AGAP1: variants seen among roughly 807,000 people sequenced by gnomAD.
AGAP1 encodes arf-GAP with GTPase, ANK repeat and PH domain-containing protein 1.
Under a neutral mutation model 105.3 loss-of-function variants are expected in AGAP1, and 29 were observed. That is an observed-to-expected ratio of 0.28 (90% CI 0.21 to 0.38). The LOEUF (loss-of-function observed/expected upper bound fraction) is 0.38, where lower values mean the gene tolerates loss of function less well. AGAP1 is among the 10% of genes least tolerant of loss of function. The pLI is 1.00. For missense variants in AGAP1, 998 were observed against 1,165.1 expected, an observed-to-expected ratio of 0.86 and a Z score of 2.09; for synonymous variants, 509 against 485.9, an observed-to-expected ratio of 1.05 and a Z score of -0.63.
chr2:235,554,702 G>T (rs1234330919), intron 1 of AGAP1, among the ~76,000 whole-genome samples: 1 of 152,082 alleles, frequency 6.6e-6, no homozygotes, highest in Admixed American at 6.5e-5. Context: ...TTTTTAGACA[G>T]AGTTTCGCTC....
In AGAP1 at chr2:236,009,216, T is replaced by G. The variant is rs1421957806; in HGVS notation, c.1646-27345T>G. Among the ~76,000 whole-genome samples the G allele has an allele frequency of 2.0e-5, 3 of 152,234 alleles. No homozygotes were observed. Among genetic ancestry groups the G allele is most frequent in the Admixed American group, 2.0e-4 (3 of 15,286 alleles). ...CCTTTTTATAAGAGAACAGAACATTTACACCGTCTTGTTGAGCAAATGAAC... is the reference window on the plus strand; with the variant it reads ...CCTTTTTATAAGAGAACAGAACATTGACACCGTCTTGTTGAGCAAATGAAC... On this transcript the variant is annotated intron_variant, in intron 13 of 17. Coordinates refer to ENST00000304032, the MANE Select transcript of AGAP1 (RefSeq NM_001037131.3). This position sits in a 1 kb window ranked among gnomAD's most constrained non-coding sequence, Gnocchi z 4.2.
At chr2:235,503,319 C>G (rs1363935682) in intron 1 of AGAP1, among the ~76,000 whole-genome samples, 1 of 152,184 alleles carries the variant, frequency 6.6e-6, no homozygotes, top group Admixed American at 6.5e-5. Context: ...TGTCTGCACC[C>G]CCTTTGTTGT....
chr2:236,009,086 G>A lies in AGAP1; in HGVS notation c.1646-27475G>A, dbSNP rs962085934. Among the ~76,000 whole-genome samples, 1 of 152,112 alleles carries A rather than the reference G, an allele frequency of 6.6e-6. No individual in the cohort carries two copies. The highest frequency in any genetic ancestry group is 1.5e-5 in the Non-Finnish European group (1 of 68,022). ...ATGACTCCTTCTCTGTGAGCTCTCC[G>A]CTAGGAAGCGGCCATCATGTCAAGC... On this transcript the variant is annotated intron_variant, in intron 13 of 17. Coordinates refer to ENST00000304032, the MANE Select transcript of AGAP1 (RefSeq NM_001037131.3). The surrounding 1 kb of genome is among the most constrained non-coding windows in gnomAD (Gnocchi z 4.2).
intron 15 of AGAP1, among the ~76,000 whole-genome samples, chr2:236,043,081 C>T (rs1197923930): frequency 6.6e-6 from 1 of 152,174 alleles, no homozygotes; most frequent in Non-Finnish European, 1.5e-5. Context: ...AATGGAAAGG[C>T]TCAGAAGATG....
chr2:235,858,022 C>T (rs1214006923), intron 9 of AGAP1, among the ~76,000 whole-genome samples: 2 of 152,118 alleles, frequency 1.3e-5, no homozygotes, highest in Admixed American at 6.6e-5. Flanking sequence ...CATGACGGTA[C>T]AGCATTTAAT....
intron 1 of AGAP1, among the ~76,000 whole-genome samples, chr2:235,593,792 A>G (rs1945428233): frequency 6.6e-6 from 1 of 152,058 alleles, no homozygotes; most frequent in South Asian, 2.1e-4. Flanking sequence ...AGTGAGACCC[A>G]CATCTCTAAA....
rs906233838 is a variant in AGAP1, at chr2:235,665,187, A to G, written c.164-43992A>G. 2.0e-5 allele frequency among the ~76,000 whole-genome samples: 3 copies of G among 152,214 alleles called. No individual in the cohort carries two copies. Among genetic ancestry groups the G allele is most frequent in the African/African-American group, 7.2e-5 (3 of 41,456 alleles). Reference sequence around the variant, plus strand: ...AGCTATGATCTTGCCACTGCACTCTAGCCTGTCTGTGTGGTGGTGTGTTCA... The same window carrying G: ...AGCTATGATCTTGCCACTGCACTCTGGCCTGTCTGTGTGGTGGTGTGTTCA... On this transcript the variant is annotated intron_variant, in intron 1 of 17. Transcript: ENST00000304032. The surrounding 1 kb of genome is among the most constrained non-coding windows in gnomAD (Gnocchi z 5.3).
chr2:235,816,906 A>C (rs568002580), intron 9 of AGAP1, among the ~76,000 whole-genome samples: 8 of 151,990 alleles, frequency 5.3e-5, no homozygotes, highest in African/African-American at 1.9e-4. Context: ...AAAGATATCT[A>C]CCAAGACCAA....
At chr2:235,746,138 A>T (rs373994058) in intron 5 of AGAP1, among the ~76,000 whole-genome samples, 44 of 152,022 alleles carry the variant, frequency 2.9e-4, no homozygotes, top group African/African-American at 8.2e-4. Flanking sequence ...AAAAATAAAA[A>T]GCCGGGCATG....
rs530775208 is a variant in AGAP1 at position 236,045,835 on chromosome 2, G to A, written c.1892-3224G>A. 10 of 412,286 alleles carry A rather than the reference G, an allele frequency of 2.4e-5. No homozygotes were observed. The highest frequency in any genetic ancestry group is 4.7e-5 in the Non-Finnish European group (9 of 190,654). The allele number at this position is 412,286 out of a possible 1,614,324, so 25.5% of individuals were successfully genotyped here. On this transcript the variant is annotated intron_variant, in intron 15 of 17. Transcript: ENST00000304032. This position sits in a 1 kb window ranked among gnomAD's most constrained non-coding sequence, Gnocchi z 6.9. ...CATTCTCTGCTGGAGCGGAGGCAAG[G>A]TTCTCCCCTCAGTCAGCCCCAGCCT...
chr2:235,515,880 A>G (rs1261640736), intron 1 of AGAP1, among the ~76,000 whole-genome samples: 1 of 152,138 alleles, frequency 6.6e-6, no homozygotes, highest in Non-Finnish European at 1.5e-5. Flanking sequence ...TGGGAAAGAG[A>G]TATTTAAGGG....
intron 9 of AGAP1, among the ~76,000 whole-genome samples, chr2:235,880,936 G>A (rs1248086523): frequency 6.6e-6 from 1 of 152,168 alleles, no homozygotes; most frequent in African/African-American, 2.4e-5. Flanking sequence ...TTGCAACTTA[G>A]TAGCATTTTC....
At chr2:235,650,188 C>A (rs1382381395) in intron 1 of AGAP1, among the ~76,000 whole-genome samples, 4 of 152,140 alleles carry the variant, frequency 2.6e-5, no homozygotes, top group Non-Finnish European at 4.4e-5. Flanking sequence ...ATGAAGAACC[C>A]CGTCTCTACT....
At chr2:235,680,175 C>T (rs755492747) in intron 1 of AGAP1, among the ~76,000 whole-genome samples, 23 of 152,208 alleles carry the variant, frequency 1.5e-4, no homozygotes, top group Non-Finnish European at 2.1e-4. Context: ...GGGCTACCCA[C>T]GCCTTGCAAC....
At chr2:235,694,887 C>T (rs1421345260) in intron 1 of AGAP1, among the ~76,000 whole-genome samples, 2 of 152,176 alleles carry the variant, frequency 1.3e-5, no homozygotes. Flanking sequence ...CACCAGGATG[C>T]ATGGGGGGTT....
chr2:235,789,454 A>G lies in AGAP1; in HGVS notation c.674-8305A>G, dbSNP rs914750078. Among the ~76,000 whole-genome samples the G allele has an allele frequency of 3.9e-5, 6 of 152,240 alleles. No homozygotes were observed. The highest frequency in any genetic ancestry group is 8.8e-5 in the Non-Finnish European group (6 of 68,044). ...AGGTAATTGCGACATAAATGAAGAT[A>G]AATTTGTTTTAATACAACGAGATAA... On this transcript the variant is annotated intron_variant, in intron 6 of 17. Transcript: ENST00000304032. This position sits in a 1 kb window ranked among gnomAD's most constrained non-coding sequence, Gnocchi z 4.2.
At chr2:235,558,235 G>T (rs1944035135) in intron 1 of AGAP1, among the ~76,000 whole-genome samples, 9 of 150,594 alleles carry the variant, frequency 6.0e-5, no homozygotes. Context: ...AGTGGAGATG[G>T]ACCAGGCTCT....
At chr2:235,563,284 C>G (rs182101596) in intron 1 of AGAP1, among the ~76,000 whole-genome samples, 2 of 152,284 alleles carry the variant, frequency 1.3e-5, no homozygotes, top group African/African-American at 2.4e-5. Flanking sequence ...GTCCTGCCCC[C>G]CTTTGCTGTG....
In AGAP1 at chr2:235,689,092, C is replaced by T. The variant is rs563416931; in HGVS notation, c.164-20087C>T. Among the ~76,000 whole-genome samples, 222 of 152,278 alleles carry T rather than the reference C, an allele frequency of 1.5e-3. 2 individuals carry two copies. The highest frequency in any genetic ancestry group is 4.8e-3 in the African/African-American group (201 of 41,562). ...TATCTGTAGGAGACATCTACGTATA[C>T]GTATTTATAGAGCAATGAAGAAATA... On this transcript the variant is annotated intron_variant, in intron 1 of 17. Coordinates refer to ENST00000304032, the MANE Select transcript of AGAP1 (RefSeq NM_001037131.3). This position sits in a 1 kb window ranked among gnomAD's most constrained non-coding sequence, Gnocchi z 4.2.
Sources: allele counts gnomAD v4.1 joint callset (sites outside exome capture counted in the v4.1 genomes callset), GRCh38; gene constraint gnomAD v4.1.1; non-coding constraint Gnocchi (gnomAD v3.1); transcripts MANE v1.5; gene names NCBI Gene and HGNC (gene_info 2026-07-23, HGNC 2026-07-21).